The following ZRANB3 variants were observed in gnomAD, a reference collection of about 807,000 sequenced individuals.
ZRANB3 encodes the protein DNA annealing helicase and endonuclease ZRANB3.
Under a neutral mutation model 133.8 loss-of-function variants are expected in ZRANB3, and 125 were observed. The observed-to-expected ratio is 0.93, with a 90% CI of 0.81 to 1.08. ZRANB3 has a LOEUF of 1.08. Ranked by LOEUF, ZRANB3 falls within the 50% of genes least tolerant of loss-of-function variation. ZRANB3 has a pLI of 0.00. For missense variants in ZRANB3, 1,229 were observed against 1,275.5 expected, an observed-to-expected ratio of 0.96 and a Z score of 0.56; for synonymous variants, 387 against 432.7, an observed-to-expected ratio of 0.89 and a Z score of 1.31.
chr2:135,471,919 T>C (rs963695068), intron 2 of ZRANB3, among the ~76,000 whole-genome samples: 1 of 152,228 alleles, frequency 6.6e-6, no homozygotes, highest in South Asian at 2.1e-4. Flanking sequence ...CATTGAATTA[T>C]TTATCATGAA....
intron 1 of ZRANB3, among the ~76,000 whole-genome samples, chr2:135,517,420 G>A (rs749826936): frequency 1.3e-5 from 2 of 152,014 alleles, no homozygotes; most frequent in Non-Finnish European, 2.9e-5. Context: ...ATCTACCTTT[G>A]GTCTTTGATG....
At chr2:135,412,359 G>C (rs1262875443) in intron 2 of ZRANB3, among the ~76,000 whole-genome samples, 1 of 151,984 alleles carries the variant, frequency 6.6e-6, no homozygotes, top group African/African-American at 2.4e-5. Flanking sequence ...TATCAACATT[G>C]AGTTATCAAG....
At chr2:135,246,436 T>C (rs1191203198) in intron 12 of ZRANB3, among the ~76,000 whole-genome samples, 1 of 152,220 alleles carries the variant, frequency 6.6e-6, no homozygotes, top group African/African-American at 2.4e-5. Context: ...CTACAGCTGT[T>C]AGTAGATTCA....
At chr2:135,207,292 C>A (rs993083442) in intron 19 of ZRANB3, 142 bp downstream of exon 19, 28 of 914,270 alleles carry the variant, frequency 3.1e-5, no homozygotes, top group Non-Finnish European at 4.1e-5. Context: ...ACTGTTAAAG[C>A]TGGCTGATGG....
At chr2:135,322,743 G>A (rs1348894898) in intron 6 of ZRANB3, among the ~76,000 whole-genome samples, 9 of 151,848 alleles carry the variant, frequency 5.9e-5, no homozygotes, top group South Asian at 2.1e-4. Context: ...TTGACCAGGC[G>A]CAGTGGCTCA....
intron 1 of ZRANB3, among the ~76,000 whole-genome samples, chr2:135,522,147 A>G (rs1354003501): frequency 6.6e-6 from 1 of 152,162 alleles, no homozygotes; most frequent in Non-Finnish European, 1.5e-5. Flanking sequence ...TAAAGATCTT[A>G]AGTAGTTTAG....
At chr2:135,286,204 T>A (rs1252141848) in intron 8 of ZRANB3, among the ~76,000 whole-genome samples, 2 of 151,812 alleles carry the variant, frequency 1.3e-5, no homozygotes, top group African/African-American at 4.9e-5. Flanking sequence ...CAATGTGTAG[T>A]CTTTTATCCC....
At chr2:135,354,713 T>C (rs886244980) in intron 3 of ZRANB3, among the ~76,000 whole-genome samples, 3 of 152,194 alleles carry the variant, frequency 2.0e-5, no homozygotes, top group African/African-American at 7.2e-5. Flanking sequence ...ATATGTCTCA[T>C]TCTGGAAAGT....
At chr2:135,285,824 C>T (rs1390840091) in intron 8 of ZRANB3, among the ~76,000 whole-genome samples, 1 of 152,178 alleles carries the variant, frequency 6.6e-6, no homozygotes, top group Non-Finnish European at 1.5e-5. Flanking sequence ...ATATGTAACA[C>T]ATGTAACTGT....
chr2:135,208,066 C>T (rs1693952763), intron 18 of ZRANB3, among the ~76,000 whole-genome samples: 1 of 152,100 alleles, frequency 6.6e-6, no homozygotes, highest in Non-Finnish European at 1.5e-5. Flanking sequence ...TGGGAATTAA[C>T]ACAAGGGGAT....
At chr2:135,374,122 T>A (rs531214425) in intron 3 of ZRANB3, among the ~76,000 whole-genome samples, 1 of 152,124 alleles carries the variant, frequency 6.6e-6, no homozygotes, top group South Asian at 2.1e-4. Flanking sequence ...AGTGGCTAGC[T>A]TGTGAAGTGC....
At chr2:135,386,851 C>G (rs1227567175) in intron 3 of ZRANB3, among the ~76,000 whole-genome samples, 1 of 151,710 alleles carries the variant, frequency 6.6e-6, no homozygotes, top group Non-Finnish European at 1.5e-5. Flanking sequence ...GGGGGTGGGG[C>G]CCTGGGGGAG....
At chr2:135,403,529 G>C (rs548924215) in intron 2 of ZRANB3, among the ~76,000 whole-genome samples, 1 of 152,342 alleles carries the variant, frequency 6.6e-6, no homozygotes, top group East Asian at 1.9e-4. Flanking sequence ...CTCCGGGGCA[G>C]GGCATTGCCA....
chr2:135,476,917 C>T (rs934198228), intron 2 of ZRANB3, among the ~76,000 whole-genome samples: 6 of 152,014 alleles, frequency 3.9e-5, no homozygotes, highest in Non-Finnish European at 7.4e-5. Flanking sequence ...CACAGGACCT[C>T]ACTATGTTGC....
At position 135,359,624 on chromosome 2, in the gene ZRANB3, A is replaced by G. The variant is rs573651016; in HGVS notation, c.181-5996T>C. On this transcript the variant is annotated intron_variant, in intron 3 of 20. Coordinates refer to ENST00000264159, the MANE Select transcript of ZRANB3 (RefSeq NM_032143.4). The stretch of plus-strand genomic sequence containing the variant: ...AAGAAAAGAAAAAAGAAAAGAAAAG[A>G]AAAGAAAGGAGAAGAAAAGAAGAAA... 3.3e-5 allele frequency among the ~76,000 whole-genome samples: 5 copies of G among 151,984 alleles called. No individual in the cohort carries two copies. In the East Asian group the frequency reaches 9.6e-4, roughly 29 times the overall value.
At chr2:135,337,734 C>G (rs1455369110) in intron 6 of ZRANB3, among the ~76,000 whole-genome samples, 1 of 152,130 alleles carries the variant, frequency 6.6e-6, no homozygotes, top group Non-Finnish European at 1.5e-5. Context: ...CTCTCTCAGT[C>G]CAAGTCACAA....
At chr2:135,363,258 T>A (rs1410397674) in intron 3 of ZRANB3, among the ~76,000 whole-genome samples, 1 of 152,066 alleles carries the variant, frequency 6.6e-6, no homozygotes, top group African/African-American at 2.4e-5. Context: ...AACCTCAAAC[T>A]CCTGGCTCAA....
rs867510658 is a variant in ZRANB3 at position 135,483,236 on chromosome 2, A to C, written c.161+21093T>G. ...CCTCTGGTAGAATTCGGCTGTGAAT[A>C]CATCTGGTCCTGGACTCTTTTTGGT... is the stretch of plus-strand genomic sequence containing the variant. On this transcript the variant is annotated intron_variant, in intron 2 of 20. Transcript: ENST00000264159. 3.5e-3 allele frequency among the ~76,000 whole-genome samples: 526 copies of C among 151,994 alleles called. 1 individual carries two copies. The highest frequency in any genetic ancestry group is 9.5e-3 in the African/African-American group (394 of 41,356).
chr2:135,491,229 G>T (rs1251278196), intron 2 of ZRANB3, among the ~76,000 whole-genome samples: 1 of 152,166 alleles, frequency 6.6e-6, no homozygotes, highest in Non-Finnish European at 1.5e-5. Flanking sequence ...CTGGTTTACA[G>T]ATGAGAACAT....
Sources: allele counts gnomAD v4.1 joint callset (sites outside exome capture counted in the v4.1 genomes callset), GRCh38; gene constraint gnomAD v4.1.1; transcripts MANE v1.5; gene names NCBI Gene and HGNC (gene_info 2026-07-23, HGNC 2026-07-21).